The following LYPLA1 variants were observed in gnomAD, a reference collection of about 807,000 sequenced individuals.
The protein encoded by LYPLA1 is acyl-protein thioesterase 1.
Under a neutral mutation model 34.0 loss-of-function variants are expected in LYPLA1, and 17 were observed. That is an observed-to-expected ratio of 0.50 (90% CI 0.34 to 0.75). The LOEUF is 0.75. Ranked by LOEUF, LYPLA1 falls within the 30% of genes least tolerant of loss-of-function variation. The probability of loss-of-function intolerance (pLI) is 0.01; values close to 1 mark genes in which losing one functional copy is unlikely to be tolerated. For synonymous variants in LYPLA1, 98 were observed against 100.8 expected, an observed-to-expected ratio of 0.97 and a Z score of 0.17; for missense variants, 203 against 288.8, an observed-to-expected ratio of 0.70 and a Z score of 2.15.
At chr8:54,055,355 T>G (rs1055910008) in intron 5 of LYPLA1, among the ~76,000 whole-genome samples, 8 of 152,146 alleles carry the variant, frequency 5.3e-5, no homozygotes, top group Non-Finnish European at 1.0e-4. Flanking sequence ...AAATTTCCGA[T>G]AGTCACACAT....
At chr8:54,069,453 C>CA (rs1229290719) in intron 2 of LYPLA1, among the ~76,000 whole-genome samples, 2 of 152,118 alleles carry the variant, frequency 1.3e-5, no homozygotes, top group Non-Finnish European at 2.9e-5. Context: ...GTGGCTCATG[C>CA]CTGTAATCCC....
chr8:54,050,374 G>A (rs1266498494), intron 8 of LYPLA1, among the ~76,000 whole-genome samples: 1 of 152,096 alleles, frequency 6.6e-6, no homozygotes. Flanking sequence ...CTAGAATGTA[G>A]ATCAGATCAC....
intron 5 of LYPLA1, among the ~76,000 whole-genome samples, chr8:54,057,759 T>C (rs1237435375): frequency 3.3e-5 from 5 of 152,116 alleles, no homozygotes; most frequent in African/African-American, 1.2e-4. Flanking sequence ...AGGGTGACTA[T>C]AGTCAATAGT....
chr8:54,063,340 G>A lies in LYPLA1; in HGVS notation c.203C>T (p.Ala68Val). The change falls in exon 4 of 9, where the codon GCT becomes GTT. Residue 68 changes from alanine to valine, a missense_variant. By Grantham distance (64) the Ala-to-Val change is moderately conservative. Coordinates refer to ENST00000316963, the MANE Select transcript of LYPLA1 (RefSeq NM_006330.4). ...AATTCTTACTTACCATGAAGGCATA[G>A]CCACGTTCATATTTAATGTAACAGG... Reference protein sequence around the residue: ...VRPVTLNMNVAMPSWFDIIGL... With the variant: ...VRPVTLNMNVVMPSWFDIIGL... 1 of 1,531,950 alleles carries A rather than the reference G, an allele frequency of 6.5e-7. No homozygotes were observed. Among genetic ancestry groups the A allele is most frequent in the Non-Finnish European group, 8.8e-7 (1 of 1,135,408 alleles). The allele number at this position is 1,531,950 out of a possible 1,614,324, so 94.9% of individuals were successfully genotyped here.
At chr8:54,090,385 T>C (rs1003620538) in intron 2 of LYPLA1, among the ~76,000 whole-genome samples, 1 of 152,220 alleles carries the variant, frequency 6.6e-6, no homozygotes, top group Non-Finnish European at 1.5e-5. Context: ...AAAGACTGTG[T>C]TTCTGTTTTA....
rs114908785 is a variant in LYPLA1 at position 54,049,687 on chromosome 8, C to T, written c.639+1325G>A. The stretch of plus-strand genomic sequence containing the variant: ...GCCTCTATCAATTATCTTCTCTTTA[C>T]TGCATCTTCTTCCTCCCTCCTTCCA... On this transcript the variant is annotated intron_variant, in intron 8 of 8. Transcript: ENST00000316963. 7.7e-3 allele frequency among the ~76,000 whole-genome samples: 1,175 copies of T among 152,288 alleles called. 16 individuals are homozygous for T. Among genetic ancestry groups the T allele is most frequent in the African/African-American group, 0.026 (1,077 of 41,550 alleles).
At chr8:54,085,447 A>G (rs1410657547) in intron 2 of LYPLA1, among the ~76,000 whole-genome samples, 1 of 149,114 alleles carries the variant, frequency 6.7e-6, no homozygotes, top group Non-Finnish European at 1.5e-5. Context: ...CCCGCCGCCC[A>G]TCGTCTGGGA....
chr8:54,052,863 C>G, intron 6 of LYPLA1, 107 bp from the exon 7 acceptor site: 1 of 689,562 alleles, frequency 1.5e-6, no homozygotes, highest in Non-Finnish European at 2.6e-6. Context: ...AACTTGGTGG[C>G]TGGTGTCAAA....
chr8:54,052,770 C>T lies in LYPLA1; in HGVS notation c.361-14G>A. 1 of 1,540,352 alleles carries T rather than the reference C, an allele frequency of 6.5e-7. No individual in the cohort carries two copies. Among genetic ancestry groups the T allele is most frequent in the Non-Finnish European group, 9.0e-7 (1 of 1,114,070 alleles). On this transcript the variant is annotated splice_polypyrimidine_tract_variant and intron_variant, in intron 6 of 8. Transcript: ENST00000316963. ...TAAAGCTCCTCCCTGAAAAGACAAGCAGGGAAAGTCAATGGAACACACATG... is the reference window on the plus strand; with the variant it reads ...TAAAGCTCCTCCCTGAAAAGACAAGTAGGGAAAGTCAATGGAACACACATG...
chr8:54,070,593 C>T (rs1807388202), intron 2 of LYPLA1, among the ~76,000 whole-genome samples: 1 of 152,094 alleles, frequency 6.6e-6, no homozygotes, highest in South Asian at 2.1e-4. Context: ...CTTGATGGCG[C>T]ATGCCTGTAG....
intron 1 of LYPLA1, 148 bp from the exon 2 acceptor site, chr8:54,101,087 C>A: frequency 1.4e-6 from 1 of 704,818 alleles, no homozygotes. Flanking sequence ...CTTTATCGAC[C>A]TCTTTTAAAT....
chr8:54,052,397 G>T (rs1805906113), intron 7 of LYPLA1, among the ~76,000 whole-genome samples: 1 of 152,116 alleles, frequency 6.6e-6, no homozygotes, highest in Non-Finnish European at 1.5e-5. Flanking sequence ...TGATGGTGAT[G>T]TGTCAGTGCA....
At chr8:54,088,625 G>T (rs1247786689) in intron 2 of LYPLA1, among the ~76,000 whole-genome samples, 5 of 152,158 alleles carry the variant, frequency 3.3e-5, no homozygotes, top group Non-Finnish European at 7.3e-5. Context: ...ATACACCAGA[G>T]AACTAAAAAC....
chr8:54,077,152 T>C (rs1397298776), intron 2 of LYPLA1, among the ~76,000 whole-genome samples: 3 of 151,902 alleles, frequency 2.0e-5, no homozygotes, highest in South Asian at 4.2e-4. Context: ...TGAATTGTTA[T>C]GCAGCCATTA....
At chr8:54,090,478 T>TA (rs1809145955) in intron 2 of LYPLA1, among the ~76,000 whole-genome samples, 1 of 152,252 alleles carries the variant, frequency 6.6e-6, no homozygotes, top group Non-Finnish European at 1.5e-5. Flanking sequence ...ACAAATGTAC[T>TA]ATACTTCTAC....
At chr8:54,093,136 C>G (rs1030794501) in intron 2 of LYPLA1, among the ~76,000 whole-genome samples, 2 of 152,118 alleles carry the variant, frequency 1.3e-5, no homozygotes, top group Non-Finnish European at 2.9e-5. Context: ...GTGGATAACA[C>G]GAGTGTGTCC....
At chr8:54,060,267 G>C (rs531781911) in intron 5 of LYPLA1, among the ~76,000 whole-genome samples, 121 of 151,746 alleles carry the variant, frequency 8.0e-4, no homozygotes, top group African/African-American at 2.3e-3. Flanking sequence ...CTGGGATTAC[G>C]GGCAGGCGCT....
downstream of LYPLA1, among the ~76,000 whole-genome samples, chr8:54,046,173 AT>A (rs1344020926): frequency 7.2e-5 from 11 of 151,802 alleles, no homozygotes; most frequent in African/African-American, 2.4e-4. Context: ...AATTTGGGAA[AT>A]TTTTTTTTAG....
At chr8:54,058,929 C>A (rs1806401986) in intron 5 of LYPLA1, among the ~76,000 whole-genome samples, 1 of 152,156 alleles carries the variant, frequency 6.6e-6, no homozygotes, top group Non-Finnish European at 1.5e-5. Context: ...AACCTGAGCA[C>A]TGTCTTCTTT....
Sources: gnomAD v4.1 joint callset for allele counts (sites outside exome capture counted in the v4.1 genomes callset) on GRCh38, gnomAD v4.1.1 for gene constraint, MANE v1.5 for transcripts, NCBI Gene and HGNC (gene_info 2026-07-23, HGNC 2026-07-21) for gene names.